The following KCNH7 variants were observed in gnomAD, a reference collection of about 807,000 sequenced individuals.
KCNH7 encodes potassium voltage-gated channel subfamily H member 7.
KCNH7 carries 49 observed loss-of-function variants against 120.8 expected under a neutral mutation model. The ratio of observed to expected loss-of-function variants is 0.41; its 90% CI spans 0.32 to 0.51. The LOEUF is 0.51. Ranked by LOEUF, KCNH7 falls within the 20% of genes least tolerant of loss-of-function variation. The pLI, the probability that KCNH7 is intolerant of heterozygous loss-of-function variation, is 0.38. For synonymous variants in KCNH7, 547 were observed against 516.1 expected (o/e 1.06, Z -0.81); for missense variants, 1,097 against 1,446.6 (o/e 0.76, Z 3.92).
intron 2 of KCNH7, among the ~76,000 whole-genome samples, chr2:162,548,036 T>TC (rs1215109552): frequency 6.6e-6 from 1 of 152,220 alleles, no homozygotes; most frequent in Non-Finnish European, 1.5e-5. Flanking sequence ...TTTAGCCCTC[T>TC]CCTCTTCTCA....
chr2:162,454,896 G>A (rs768276474), intron 6 of KCNH7, among the ~76,000 whole-genome samples: 5 of 152,084 alleles, frequency 3.3e-5, no homozygotes, highest in South Asian at 4.1e-4. Context: ...GAGACAATCT[G>A]ACTTCCTCTA....
intron 8 of KCNH7, among the ~76,000 whole-genome samples, chr2:162,424,825 C>T (rs1407115588): frequency 3.3e-5 from 5 of 152,100 alleles, no homozygotes; most frequent in Non-Finnish European, 7.4e-5. Flanking sequence ...AGCAGTGACC[C>T]CTTGTTTTTA....
At chr2:162,528,107 T>G (rs1285615350) in intron 3 of KCNH7, 2 of 151,940 alleles carry the variant, frequency 1.3e-5, no homozygotes, top group Non-Finnish European at 2.9e-5. Flanking sequence ...GCCCATTCAG[T>G]AGGAAAAAAG....
intron 2 of KCNH7, among the ~76,000 whole-genome samples, chr2:162,801,678 G>A (rs1684355620): frequency 6.6e-6 from 1 of 151,762 alleles, no homozygotes; most frequent in South Asian, 2.1e-4. Flanking sequence ...TGGCGGATTA[G>A]ACTTTCTTGT....
chr2:162,683,381 T>G (rs940060742), intron 2 of KCNH7, among the ~76,000 whole-genome samples: 4 of 152,050 alleles, frequency 2.6e-5, no homozygotes, highest in East Asian at 3.9e-4. Context: ...GAAAAATTTC[T>G]ACTTGAAAGT....
chr2:162,538,722 G>C (rs1443738809), intron 2 of KCNH7, among the ~76,000 whole-genome samples: 1 of 152,000 alleles, frequency 6.6e-6, no homozygotes, highest in Non-Finnish European at 1.5e-5. Flanking sequence ...CACAGATCGA[G>C]GACTTCATAG....
intron 2 of KCNH7, among the ~76,000 whole-genome samples, chr2:162,627,995 G>A (rs888975923): frequency 6.6e-6 from 1 of 152,106 alleles, no homozygotes; most frequent in Non-Finnish European, 1.5e-5. Context: ...AATAAAGAAT[G>A]ACGAATTATA....
chr2:162,670,769 G>GA (rs1479210355), intron 2 of KCNH7, among the ~76,000 whole-genome samples: 1 of 150,648 alleles, frequency 6.6e-6, no homozygotes, highest in Non-Finnish European at 1.5e-5. Context: ...AAGAAAGGTG[G>GA]AAAAAAATTT....
At chr2:162,727,121 T>C (rs950767867) in intron 2 of KCNH7, among the ~76,000 whole-genome samples, 2 of 152,230 alleles carry the variant, frequency 1.3e-5, no homozygotes, top group Non-Finnish European at 2.9e-5. Flanking sequence ...TACCTATCTA[T>C]GTCTCTTTCT....
At chr2:162,644,136 AT>A (rs1435047206) in intron 2 of KCNH7, among the ~76,000 whole-genome samples, 1 of 151,930 alleles carries the variant, frequency 6.6e-6, no homozygotes, top group Non-Finnish European at 1.5e-5. Context: ...CTTTGGGCAA[AT>A]TCAGAAAAAC....
intron 2 of KCNH7, among the ~76,000 whole-genome samples, chr2:162,593,306 A>G (rs1470085947): frequency 1.3e-5 from 2 of 152,044 alleles, no homozygotes; most frequent in Admixed American, 6.6e-5. Context: ...CCTCCTCTGT[A>G]TAGTGGGGAT....
chr2:162,727,664 C>A (rs1198907870), intron 2 of KCNH7, among the ~76,000 whole-genome samples: 1 of 152,142 alleles, frequency 6.6e-6, no homozygotes, highest in Non-Finnish European at 1.5e-5. Flanking sequence ...GTTACTGTCT[C>A]CTTTTAGTAG....
chr2:162,743,478 GA>G (rs746319022), intron 2 of KCNH7, among the ~76,000 whole-genome samples: 2 of 151,692 alleles, frequency 1.3e-5, no homozygotes, highest in African/African-American at 4.8e-5. Flanking sequence ...TGTTACCAAA[GA>G]AAAAATGAAA....
intron 3 of KCNH7, among the ~76,000 whole-genome samples, chr2:162,535,097 G>T: frequency 6.6e-6 from 1 of 151,630 alleles, no homozygotes; most frequent in East Asian, 1.9e-4. Flanking sequence ...GAATAATAAA[G>T]CACATACAAC....
chr2:162,500,246 C>G (rs940922788), intron 6 of KCNH7, among the ~76,000 whole-genome samples: 2 of 147,438 alleles, frequency 1.4e-5, no homozygotes, highest in African/African-American at 4.9e-5. Context: ...TACATATACA[C>G]ATACTATGTA....
At chr2:162,432,340 A>G (rs1347010709) in intron 8 of KCNH7, among the ~76,000 whole-genome samples, 1 of 152,024 alleles carries the variant, frequency 6.6e-6, no homozygotes, top group Non-Finnish European at 1.5e-5. Context: ...CTGAATTTGT[A>G]GAATGTCTTA....
At chr2:162,489,206 C>T (rs1690207207) in intron 6 of KCNH7, among the ~76,000 whole-genome samples, 1 of 152,126 alleles carries the variant, frequency 6.6e-6, no homozygotes. Context: ...ACGTAGCATA[C>T]AACATGCTTG....
At chr2:162,564,769 A>G (rs1485973) in intron 2 of KCNH7, among the ~76,000 whole-genome samples, 6,674 of 152,204 alleles carry the variant, frequency 0.044, 293 homozygotes, top group East Asian at 0.11. Context: ...TCTAAAGTTC[A>G]TTAAAGGCTA....
chr2:162,379,581 A>C (rs1276482006), intron 14 of KCNH7, among the ~76,000 whole-genome samples: 3 of 152,146 alleles, frequency 2.0e-5, no homozygotes, highest in Non-Finnish European at 4.4e-5. Context: ...AGGGGAGAGA[A>C]GGGGGTTTTC....
Sources: allele counts gnomAD v4.1 joint callset (sites outside exome capture counted in the v4.1 genomes callset), GRCh38; gene constraint gnomAD v4.1.1; transcripts MANE v1.5; gene names NCBI Gene and HGNC (gene_info 2026-07-23, HGNC 2026-07-21).